CCDC178: variants seen among roughly 807,000 people sequenced by gnomAD.
CCDC178 encodes the protein coiled-coil domain-containing protein 178.
Under a neutral mutation model 117.4 loss-of-function variants are expected in CCDC178, and 126 were observed. That is an observed-to-expected ratio of 1.07 (90% CI 0.93 to 1.24). The LOEUF (loss-of-function observed/expected upper bound fraction) is 1.24, where lower values mean the gene tolerates loss of function less well. CCDC178 is among the 50% of genes most tolerant of loss of function. The pLI is 0.00. For synonymous variants in CCDC178, 283 were observed against 313.4 expected (o/e 0.90, Z 1.02); for missense variants, 1,030 against 986.9 (o/e 1.04, Z -0.59).
Position 33,390,196 on chromosome 18 carries a change from A to C in CCDC178, c.119-567T>G, listed in dbSNP as rs143457727. ...TTTTAGAAAGAGAAAATGTAGAGAG[A>C]GAGGGGAAACGTTTTATTTTACAGT... On this transcript the variant is annotated intron_variant, in intron 4 of 22. Transcript: ENST00000383096. Among the ~76,000 whole-genome samples, 103 of 151,654 alleles carry C rather than the reference A, an allele frequency of 6.8e-4. 1 individual carries two copies. Among genetic ancestry groups the C allele is most frequent in the African/African-American group, 2.4e-3 (101 of 41,456 alleles).
chr18:33,254,443 G>A (rs1322815593), intron 14 of CCDC178, among the ~76,000 whole-genome samples: 1 of 151,910 alleles, frequency 6.6e-6, no homozygotes, highest in East Asian at 1.9e-4. Context: ...GATACTTATT[G>A]AGCATTGATT....
intron 11 of CCDC178, among the ~76,000 whole-genome samples, chr18:33,316,242 G>A (rs1222517626): frequency 6.6e-6 from 1 of 152,208 alleles, no homozygotes; most frequent in Non-Finnish European, 1.5e-5. Flanking sequence ...AGGCGCCGGC[G>A]GGAACCGGGG....
intron 11 of CCDC178, among the ~76,000 whole-genome samples, chr18:33,310,915 C>A (rs2062333200): frequency 6.6e-6 from 1 of 152,086 alleles, no homozygotes; most frequent in Non-Finnish European, 1.5e-5. Context: ...AGACAGTAAC[C>A]CAGAGTGGGG....
intron 20 of CCDC178, among the ~76,000 whole-genome samples, chr18:33,206,363 G>A (rs1420866934): frequency 6.7e-6 from 1 of 150,154 alleles, no homozygotes; most frequent in Non-Finnish European, 1.5e-5. Flanking sequence ...TCAATCAAAG[G>A]AAATAATAAA....
chr18:33,362,090 G>C (rs2063136808), intron 6 of CCDC178, among the ~76,000 whole-genome samples: 1 of 151,560 alleles, frequency 6.6e-6, no homozygotes, highest in Non-Finnish European at 1.5e-5. Flanking sequence ...AGAAAATGTA[G>C]GAGTGTGTTT....
intron 20 of CCDC178, among the ~76,000 whole-genome samples, chr18:33,198,308 TA>T (rs1270420866): frequency 6.6e-6 from 1 of 152,134 alleles, no homozygotes; most frequent in Admixed American, 6.5e-5. Context: ...CTACCTCTCC[TA>T]AAAGGCTTAA....
intron 21 of CCDC178, among the ~76,000 whole-genome samples, chr18:33,072,762 TC>T (rs1453960657): frequency 1.3e-5 from 2 of 152,194 alleles, no homozygotes; most frequent in Non-Finnish European, 1.5e-5. Flanking sequence ...TTTCACTTTT[TC>T]CTTGTATAAA....
intron 21 of CCDC178, among the ~76,000 whole-genome samples, chr18:33,016,573 C>T (rs908940679): frequency 4.0e-5 from 6 of 151,764 alleles, no homozygotes; most frequent in African/African-American, 1.5e-4. Context: ...AATTTTGTTG[C>T]TGGGCTTATA....
chr18:33,275,520 G>C (rs1233475476), intron 12 of CCDC178, among the ~76,000 whole-genome samples: 1 of 149,912 alleles, frequency 6.7e-6, no homozygotes. Context: ...GGCTTTCTTG[G>C]GTAGCAAAGC....
Position 33,430,357 on chromosome 18 carries a change from TG to T in CCDC178, c.-23+9604del, listed in dbSNP as rs2064192069. On this transcript the variant is annotated intron_variant, in intron 2 of 22. Coordinates refer to ENST00000383096, the MANE Select transcript of CCDC178 (RefSeq NM_001105528.4). ...ATCTTAACTACTCTGGATTATATTT[TG>T]GGATTGTGGTAGAAATAACAATATG... Among the ~76,000 whole-genome samples the T allele has an allele frequency of 2.0e-5, 3 of 152,242 alleles. No individual in the cohort carries two copies. The South Asian group carries it at 6.2e-4, about 31-fold the overall frequency.
chr18:33,012,057 G>A lies in CCDC178; in HGVS notation c.2389-37376C>T, dbSNP rs530595322. Among the ~76,000 whole-genome samples the A allele has an allele frequency of 2.0e-4, 30 of 152,278 alleles. No homozygotes were observed. In the South Asian group the frequency reaches 6.0e-3, roughly 31 times the overall value. ...ATTTCTATCACAATAATTAAGTGGG[G>A]AAATTTGTGTGATTTGTTCTTCTTG... On this transcript the variant is annotated intron_variant, in intron 21 of 22. Coordinates refer to ENST00000383096, the MANE Select transcript of CCDC178 (RefSeq NM_001105528.4).
chr18:33,386,621 A>T (rs2063496372), intron 5 of CCDC178, among the ~76,000 whole-genome samples: 1 of 152,196 alleles, frequency 6.6e-6, no homozygotes, highest in Admixed American at 6.5e-5. Flanking sequence ...CAAAAACCAC[A>T]TGATTATCTC....
chr18:33,359,838 A>G (rs1014328707), intron 6 of CCDC178, among the ~76,000 whole-genome samples: 2 of 151,380 alleles, frequency 1.3e-5, no homozygotes, highest in Non-Finnish European at 3.0e-5. Flanking sequence ...GGGAAATGAA[A>G]CACTTCATTT....
intron 21 of CCDC178, among the ~76,000 whole-genome samples, chr18:33,017,956 A>T (rs2056029380): frequency 6.6e-6 from 1 of 152,018 alleles, no homozygotes; most frequent in Non-Finnish European, 1.5e-5. Flanking sequence ...AATTAAAAAC[A>T]TTTGTGCTTT....
intron 20 of CCDC178, among the ~76,000 whole-genome samples, chr18:33,184,810 A>G (rs935211330): frequency 3.9e-5 from 6 of 152,092 alleles, no homozygotes; most frequent in Middle Eastern, 3.2e-3. Context: ...AGTTATTAAC[A>G]TAAGTATTAC....
At chr18:33,431,158 G>A (rs1183267283) in intron 2 of CCDC178, among the ~76,000 whole-genome samples, 2 of 143,544 alleles carry the variant, frequency 1.4e-5, no homozygotes, top group African/African-American at 5.1e-5. Context: ...CCAAAAGAAT[G>A]AAGTCTACAT....
intron 21 of CCDC178, among the ~76,000 whole-genome samples, chr18:33,046,685 A>G (rs1419393909): frequency 1.3e-5 from 2 of 152,136 alleles, no homozygotes; most frequent in African/African-American, 4.8e-5. Context: ...ACAAGTAGCT[A>G]CTTTGAGACT....
At chr18:33,201,728 A>G (rs961345707) in intron 20 of CCDC178, among the ~76,000 whole-genome samples, 2 of 152,170 alleles carry the variant, frequency 1.3e-5, no homozygotes, top group Admixed American at 6.5e-5. Context: ...AAGAGCCACA[A>G]ACAGACAGGA....
chr18:33,329,451 T>C (rs896194814), intron 10 of CCDC178, among the ~76,000 whole-genome samples: 1 of 152,130 alleles, frequency 6.6e-6, no homozygotes, highest in African/African-American at 2.4e-5. Context: ...TTATTCATAG[T>C]GAGCAAGTTT....
Sources: gnomAD v4.1 joint callset for allele counts (sites outside exome capture counted in the v4.1 genomes callset) on GRCh38, gnomAD v4.1.1 for gene constraint, MANE v1.5 for transcripts, NCBI Gene and HGNC (gene_info 2026-07-23, HGNC 2026-07-21) for gene names.